MAP7D2: variants seen among roughly 807,000 people sequenced by gnomAD.
The protein encoded by MAP7D2 is MAP7 domain-containing protein 2.
In MAP7D2, 33 loss-of-function variants were observed where a neutral mutation model predicts 63.5. The observed-to-expected ratio is 0.52, with a 90% CI of 0.39 to 0.70. The LOEUF (loss-of-function observed/expected upper bound fraction) is 0.70. Ranked by LOEUF, MAP7D2 falls within the 30% of genes least tolerant of loss-of-function variation. MAP7D2 has a pLI of 0.00. For synonymous variants in MAP7D2, 224 were observed against 223.7 expected (o/e 1.00, Z -0.01); for missense variants, 626 against 604.0 (o/e 1.04, Z -0.38).
chrX:20,065,971 G>A (rs1188963696), intron 1 of MAP7D2, among the ~76,000 whole-genome samples: 9 of 105,364 alleles, frequency 8.5e-5, no homozygotes, highest in African/African-American at 2.4e-4. Flanking sequence ...GCCGGACTGC[G>A]GACTGCAGTG....
In MAP7D2 at chrX:20,052,994, G is replaced by T; in HGVS notation, c.485-6C>A. 1 of 1,160,320 alleles carries T rather than the reference G, an allele frequency of 8.6e-7. No individual in the cohort carries two copies. Among genetic ancestry groups the T allele is most frequent in the Non-Finnish European group, 1.2e-6 (1 of 848,528 alleles). On this transcript the variant is annotated splice_region_variant and splice_polypyrimidine_tract_variant and intron_variant, in intron 4 of 16. Transcript: ENST00000379643. ...TGTTGAAAGTTTGTCACATGCTGCA[G>T]AGAAATGCATTAAAGACATTGGTAT...
chrX:20,070,002 G>A (rs377391967), intron 1 of MAP7D2, among the ~76,000 whole-genome samples: 126 of 110,904 alleles, frequency 1.1e-3, no homozygotes, highest in African/African-American at 3.7e-3. Flanking sequence ...AGGCTGGAGT[G>A]CAGTGGTGCG....
rs2073794162 is a variant in MAP7D2, at chrX:20,025,169, G to A, written c.1280-86C>T. ...CTCACACAGCAGCTGCCAGTTGGAAGTGAAAAAAAATCCAACCCAGTGTGG... is the reference window on the plus strand; with the variant it reads ...CTCACACAGCAGCTGCCAGTTGGAAATGAAAAAAAATCCAACCCAGTGTGG... On this transcript the variant is annotated intron_variant, in intron 9 of 16. Transcript: ENST00000379643. The A allele has an allele frequency of 3.7e-6, 4 of 1,074,844 alleles. No individual in the cohort carries two copies. In the East Asian group the frequency reaches 1.2e-4, roughly 33 times the overall value. 88.6% of individuals were successfully genotyped at this position (1,074,844 alleles called of 1,213,427 possible). A position where few individuals can be genotyped will look rare whatever the true frequency, so the allele number is the denominator to read the frequency against.
At chrX:20,094,956 A>G (rs1432440958) in intron 1 of MAP7D2, among the ~76,000 whole-genome samples, 1 of 109,457 alleles carries the variant, frequency 9.1e-6, no homozygotes, top group Non-Finnish European at 1.9e-5. Context: ...CTAAGAGGCT[A>G]TAAAAATCAG....
At chrX:20,088,842 CT>C (rs1028983940) in intron 1 of MAP7D2, among the ~76,000 whole-genome samples, 2 of 108,574 alleles carry the variant, frequency 1.8e-5, no homozygotes. Flanking sequence ...TCTTTTCTTT[CT>C]TTTTTTTTGA....
At chrX:20,114,095 G>A (rs961881700) in intron 1 of MAP7D2, among the ~76,000 whole-genome samples, 2 of 111,849 alleles carry the variant, frequency 1.8e-5, no homozygotes, top group Admixed American at 1.9e-4. Context: ...GTACAGTGGC[G>A]CGAGGTCAGC....
intron 1 of MAP7D2, among the ~76,000 whole-genome samples, chrX:20,089,227 T>G (rs760452614): frequency 1.8e-5 from 2 of 112,328 alleles, no homozygotes; most frequent in Non-Finnish European, 3.8e-5. Flanking sequence ...CTGAAAAGAC[T>G]GTTCTTTTTC....
chrX:20,016,244 T>C lies in MAP7D2; in HGVS notation c.1494A>G (p.Glu498=). 2.5e-6 allele frequency: 3 copies of C among 1,210,305 alleles called. No individual in the cohort carries two copies. The highest frequency in any genetic ancestry group is 3.4e-6 in the Non-Finnish European group (3 of 894,644). ...TCTTTTCCTCTTCCTGCCGCTTCCT[T>C]TCTTCTTCCTGCTTTCGGGCTTCCT... is the stretch of plus-strand genomic sequence containing the variant. ...LEEEARKQEE[E]RKRQEEEKKK... is the part of the protein sequence containing the mutation. Residue 498 remains glutamate, a synonymous_variant, in exon 11 of 17, where the codon GAA becomes GAG. Coordinates refer to ENST00000379643, the MANE Select transcript of MAP7D2 (RefSeq NM_001168465.2).
chrX:20,011,122 T>C (rs1488410568), intron 15 of MAP7D2, 70 bp from the exon 16 acceptor site: 3 of 1,053,925 alleles, frequency 2.8e-6, no homozygotes, highest in Non-Finnish European at 3.8e-6. Flanking sequence ...ATATATTAAT[T>C]CTATTTGCAA....
At chrX:20,050,130 A>C (rs1396382279) in intron 6 of MAP7D2, among the ~76,000 whole-genome samples, 1 of 111,711 alleles carries the variant, frequency 9.0e-6, no homozygotes, top group Non-Finnish European at 1.9e-5. Flanking sequence ...TCTGGAAACA[A>C]AGAGAATGCC....
chrX:20,044,573 A>G (rs1459301645), intron 6 of MAP7D2, 49 bp from the exon 7 acceptor site: 1 of 1,099,085 alleles, frequency 9.1e-7, no homozygotes, highest in Non-Finnish European at 1.3e-6. Flanking sequence ...TACAGATGGA[A>G]AAAGTAGAGC....
Position 20,012,488 on chromosome X carries a change from C to T in MAP7D2, c.1933G>A (p.Ala645Thr), listed in dbSNP as rs200303403. The stretch of plus-strand genomic sequence containing the variant: ...TCTTGGGGATAAGTTTCTGGGGCAG[C>T]GTGATCCACACCATTAACTTCCTGG... ...TCQEVNGVDH[A>T]APETYPQDIF... The change falls in exon 15 of 17, where the codon GCT becomes ACT. Residue 645 changes from alanine to threonine, a missense_variant. By Grantham distance (58) the Ala-to-Thr change is moderately conservative. Transcript: ENST00000379643. The T allele has an allele frequency of 5.6e-4, 679 of 1,203,556 alleles. 7 individuals are homozygous for T. The South Asian group carries it at 0.011, about 20-fold the overall frequency.
chrX:20,107,034 T>A (rs1219673252), intron 1 of MAP7D2, among the ~76,000 whole-genome samples: 2 of 106,491 alleles, frequency 1.9e-5, no homozygotes, highest in Non-Finnish European at 3.9e-5. Context: ...ACTTTGGAGG[T>A]TTAGTAATGA....
chrX:20,010,470 T>C (rs111716073), intron 16 of MAP7D2, among the ~76,000 whole-genome samples: 7 of 84,948 alleles, frequency 8.2e-5, no homozygotes, highest in African/African-American at 6.0e-4. Flanking sequence ...GAGTATTCTT[T>C]CCTTGCCCCC....
intron 1 of MAP7D2, among the ~76,000 whole-genome samples, chrX:20,099,453 GC>G (rs1398906814): frequency 8.9e-6 from 1 of 111,770 alleles, no homozygotes; most frequent in East Asian, 2.8e-4. Flanking sequence ...CCCGAAAGAA[GC>G]CATCATCCTG....
At position 20,007,969 on chromosome X, in the gene MAP7D2, G is replaced by A. The variant is rs1211058560; in HGVS notation, c.*456C>T. On this transcript the variant is annotated 3_prime_UTR_variant, in exon 17 of 17. Transcript: ENST00000379643. Reference sequence around the variant, plus strand: ...TCTTCTCTGTCTCAAAAAAGACAGGGAGATATACAGTGCAAGTTGAGTATA... The same window carrying A: ...TCTTCTCTGTCTCAAAAAAGACAGGAAGATATACAGTGCAAGTTGAGTATA... 2 of 112,271 alleles carry A rather than the reference G, an allele frequency of 1.8e-5. No individual in the cohort carries two copies. Among genetic ancestry groups the A allele is most frequent in the African/African-American group, 6.5e-5 (2 of 30,901 alleles). 9.3% of individuals were successfully genotyped at this position (112,271 alleles called of 1,213,427 possible). A position where few individuals can be genotyped will look rare whatever the true frequency, so the allele number is the denominator to read the frequency against.
intron 1 of MAP7D2, among the ~76,000 whole-genome samples, chrX:20,109,910 C>T: frequency 9.1e-6 from 1 of 110,010 alleles, no homozygotes; most frequent in Non-Finnish European, 1.9e-5. Context: ...GTGGCAGAGG[C>T]CTGTAATCTC....
intron 1 of MAP7D2, among the ~76,000 whole-genome samples, chrX:20,074,301 TTCAGA>T (rs2065589789): frequency 9.0e-6 from 1 of 110,738 alleles, no homozygotes; most frequent in Non-Finnish European, 1.9e-5. Flanking sequence ...TGGGGTCAGA[TTCAGA>T]TCAGTGAAAG....
At position 20,116,575 on chromosome X, in the gene MAP7D2, G is replaced by A. The variant is rs189554325; in HGVS notation, c.130+175C>T. ...AACCCCGCCACTCGCACAGAGAGGG[G>A]TGCGGCCCTTGGATGCACGTCCGGA... On this transcript the variant is annotated intron_variant, in intron 1 of 16. Transcript: ENST00000379643. The A allele has an allele frequency of 9.0e-3, 8,597 of 959,618 alleles. 25 individuals are homozygous for A. Among genetic ancestry groups the A allele is most frequent in the Non-Finnish European group, 0.011 (8,240 of 765,180 alleles). The allele number at this position is 959,618 out of a possible 1,213,427, so 79.1% of individuals were successfully genotyped here. A position where few individuals can be genotyped will look rare whatever the true frequency, so the allele number is the denominator to read the frequency against.
Sources: gnomAD v4.1 joint callset for allele counts (sites outside exome capture counted in the v4.1 genomes callset) on GRCh38, gnomAD v4.1.1 for gene constraint, MANE v1.5 for transcripts, NCBI Gene and HGNC (gene_info 2026-07-23, HGNC 2026-07-21) for gene names.